SLCO1B1: variants seen among roughly 807,000 people sequenced by gnomAD.
The protein encoded by SLCO1B1 is solute carrier organic anion transporter family member 1B1.
SLCO1B1 carries 81 observed loss-of-function variants against 70.1 expected under a neutral mutation model. That is an observed-to-expected ratio of 1.16 (90% confidence interval 0.97 to 1.39). The LOEUF is 1.39. Ranked by LOEUF, SLCO1B1 falls within the 40% of genes most tolerant of loss-of-function variation. SLCO1B1 has a pLI of 0.00. For missense variants in SLCO1B1, 895 were observed against 799.6 expected, an observed-to-expected ratio of 1.12 and a Z score of -1.44; for synonymous variants, 283 against 271.5, an observed-to-expected ratio of 1.04 and a Z score of -0.42.
chr12:21,137,489 G>A (rs1318794565), intron 1 of SLCO1B1, among the ~76,000 whole-genome samples: 1 of 152,326 alleles, frequency 6.6e-6, no homozygotes, highest in Admixed American at 6.5e-5. Context: ...CCCAGTTCGA[G>A]CTTCCCAGCC....
intron 11 of SLCO1B1, among the ~76,000 whole-genome samples, chr12:21,211,057 TCTC>T (rs1941277881): frequency 6.6e-6 from 1 of 152,194 alleles, no homozygotes. Flanking sequence ...TTTATTTCCT[TCTC>T]CTGCCTAATT....
intron 6 of SLCO1B1, 23 bp downstream of exon 6, chr12:21,178,745 T>C: frequency 6.3e-7 from 1 of 1,582,330 alleles, no homozygotes; most frequent in Non-Finnish European, 8.7e-7. Context: ...AAATATTAAA[T>C]TGTATGATCA....
At chr12:21,191,392 A>T (rs1354315344) in intron 7 of SLCO1B1, among the ~76,000 whole-genome samples, 2 of 152,068 alleles carry the variant, frequency 1.3e-5, no homozygotes, top group Non-Finnish European at 2.9e-5. Flanking sequence ...TTTAGTGTAA[A>T]TGGAATTGCT....
rs755346572 is a variant in SLCO1B1, at chr12:21,172,771, T to C, written c.206T>C (p.Ile69Thr). 7 of 1,613,434 alleles carry C rather than the reference T, an allele frequency of 4.3e-6. No individual in the cohort carries two copies. Among genetic ancestry groups the C allele is most frequent in the Middle Eastern group, 1.7e-4 (1 of 6,056 alleles). ...FEISSSLVGF[I>T]DGSFEIGNLL... ...ATATCCTCTTCTCTTGTTGGTTTTA[T>C]TGACGGAAGCTTTGAAATTGGTAAC... Residue 69 changes from isoleucine (I) to threonine (T), a missense_variant, in exon 3 of 15, where the codon ATT becomes ACT. Physicochemically the swap from Ile to Thr is moderately conservative, Grantham distance 89. Coordinates refer to ENST00000256958, the MANE Select transcript of SLCO1B1 (RefSeq NM_006446.5).
At chr12:21,189,952 C>G (rs775211348) in intron 7 of SLCO1B1, among the ~76,000 whole-genome samples, 9 of 152,160 alleles carry the variant, frequency 5.9e-5, no homozygotes, top group Non-Finnish European at 5.9e-5. Flanking sequence ...TAATAAATCT[C>G]TGCAATTTTT....
chr12:21,211,659 TG>T (rs1424539863), intron 11 of SLCO1B1, among the ~76,000 whole-genome samples: 3 of 152,122 alleles, frequency 2.0e-5, no homozygotes, highest in Non-Finnish European at 4.4e-5. Flanking sequence ...CTTGTACCTC[TG>T]GTAGAATTCA....
At chr12:21,228,361 A>T (rs1326912882) in intron 14 of SLCO1B1, among the ~76,000 whole-genome samples, 1 of 152,174 alleles carries the variant, frequency 6.6e-6, no homozygotes, top group Non-Finnish European at 1.5e-5. Context: ...CAGATTGAAG[A>T]TATTACTCTA....
chr12:21,150,960 A>G (rs1940463205), intron 2 of SLCO1B1, among the ~76,000 whole-genome samples: 1 of 152,214 alleles, frequency 6.6e-6, no homozygotes, highest in South Asian at 2.1e-4. Flanking sequence ...ATATATAGTC[A>G]TGTGTCATTT....
chr12:21,189,785 T>G (rs1175416064), intron 7 of SLCO1B1, among the ~76,000 whole-genome samples: 2 of 152,180 alleles, frequency 1.3e-5, no homozygotes, highest in African/African-American at 4.8e-5. Flanking sequence ...ACTCTAATGT[T>G]TTGAAATACA....
chr12:21,139,605 G>C (rs1427251617), intron 1 of SLCO1B1, among the ~76,000 whole-genome samples: 1 of 152,028 alleles, frequency 6.6e-6, no homozygotes, highest in Non-Finnish European at 1.5e-5. Flanking sequence ...ATAGAGTCGA[G>C]TCTCATTATT....
At chr12:21,158,201 A>C (rs1316998559) in intron 2 of SLCO1B1, among the ~76,000 whole-genome samples, 1 of 152,186 alleles carries the variant, frequency 6.6e-6, no homozygotes, top group Non-Finnish European at 1.5e-5. Context: ...ATCATTCCTA[A>C]GTATATTAAG....
intron 14 of SLCO1B1, among the ~76,000 whole-genome samples, chr12:21,230,323 C>CTTTTT (rs745494878): frequency 1.9e-4 from 13 of 70,242 alleles, no homozygotes; most frequent in Admixed American, 3.6e-4. Flanking sequence ...CTGTAGTATT[C>CTTTTT]TTTTTTTTTT....
intron 11 of SLCO1B1, among the ~76,000 whole-genome samples, chr12:21,209,919 T>C: frequency 6.6e-6 from 1 of 152,192 alleles, no homozygotes; most frequent in Non-Finnish European, 1.5e-5. Context: ...TGTTTTTTTC[T>C]TGTAAATCTG....
chr12:21,154,403 T>C (rs958469907), intron 2 of SLCO1B1, among the ~76,000 whole-genome samples: 28 of 152,092 alleles, frequency 1.8e-4, no homozygotes, highest in Non-Finnish European at 3.5e-4. Flanking sequence ...AAATACCAAA[T>C]ATGTTGGTGT....
chr12:21,151,467 G>T (rs952261710), intron 2 of SLCO1B1, among the ~76,000 whole-genome samples: 1 of 151,952 alleles, frequency 6.6e-6, no homozygotes. Context: ...TATCATTATT[G>T]TCATTCATTT....
intron 7 of SLCO1B1, among the ~76,000 whole-genome samples, chr12:21,188,773 T>C (rs1361868207): frequency 6.6e-6 from 1 of 152,170 alleles, no homozygotes; most frequent in Non-Finnish European, 1.5e-5. Context: ...AACTCCCTGC[T>C]TCCCCTTCCC....
chr12:21,197,763 TTATC>T (rs755158885), intron 8 of SLCO1B1, among the ~76,000 whole-genome samples: 2 of 152,100 alleles, frequency 1.3e-5, no homozygotes, highest in Non-Finnish European at 1.5e-5. Flanking sequence ...ATTTTGGTAA[TTATC>T]TATCTATCTA....
intron 2 of SLCO1B1, among the ~76,000 whole-genome samples, chr12:21,158,032 C>T (rs932398511): frequency 6.6e-6 from 1 of 152,040 alleles, no homozygotes; most frequent in Non-Finnish European, 1.5e-5. Context: ...TTCAATAAAA[C>T]AAGCTAAGAA....
Position 21,239,086 on chromosome 12 carries a change from C to T in SLCO1B1, c.1973C>T (p.Ala658Val). The change falls in exon 15 of 15, where the codon GCA becomes GTA. Residue 658 changes from alanine (A) to valine (V), a missense_variant. Ala to Val is a moderately conservative substitution (Grantham distance 64). Transcript: ENST00000256958. ...KKKYQEKDINASENGSVMDEA... is the reference protein window; with the variant it reads ...KKKYQEKDINVSENGSVMDEA... ...AAATATCAAGAGAAAGATATCAATGCATCAGAAAATGGAAGTGTCATGGAT... is the reference window on the plus strand; with the variant it reads ...AAATATCAAGAGAAAGATATCAATGTATCAGAAAATGGAAGTGTCATGGAT... The T allele has an allele frequency of 6.2e-7, 1 of 1,600,656 alleles. No individual in the cohort carries two copies. The highest frequency in any genetic ancestry group is 1.3e-5 in the African/African-American group (1 of 74,722).
Sources: allele counts gnomAD v4.1 joint callset (sites outside exome capture counted in the v4.1 genomes callset), GRCh38; gene constraint gnomAD v4.1.1; transcripts MANE v1.5; gene names NCBI Gene and HGNC (gene_info 2026-07-23, HGNC 2026-07-21).